SERTAD4: variants seen among roughly 807,000 people sequenced by gnomAD.
The protein encoded by SERTAD4 is SERTA domain-containing protein 4.
A neutral mutation model predicts 32.9 loss-of-function variants in SERTAD4; 18 were observed. The ratio of observed to expected loss-of-function variants is 0.55; its 90% CI spans 0.38 to 0.81. The LOEUF is 0.81. Ranked by LOEUF, SERTAD4 falls within the 30% of genes least tolerant of loss-of-function variation. The pLI is 0.00. For missense variants in SERTAD4, 383 were observed against 426.0 expected (o/e 0.90, Z 0.89); for synonymous variants, 150 against 156.4 (o/e 0.96, Z 0.30).
chr1:210,241,547 TTG>T lies in SERTAD4; in HGVS notation c.292-10_292-9del. On this transcript the variant is annotated splice_polypyrimidine_tract_variant and intron_variant, in intron 3 of 3. Coordinates refer to ENST00000367012, the MANE Select transcript of SERTAD4 (RefSeq NM_019605.5). ...GTTTGTTTTTTTCTTTTTTTTTTTT[TTG>T]GTTTGTAGACCATCTCAATTTTTGA... The T allele has an allele frequency of 2.1e-4, 308 of 1,484,528 alleles. No homozygotes were observed. Among genetic ancestry groups the T allele is most frequent in the South Asian group, 8.7e-4 (57 of 65,794 alleles). The allele number at this position is 1,484,528 out of a possible 1,614,324, so 92.0% of individuals were successfully genotyped here.
chr1:210,242,543 C>G lies in SERTAD4; in HGVS notation c.*206C>G. The stretch of plus-strand genomic sequence containing the variant: ...CTTCTTATAAATGTGGTGATTTTTA[C>G]CAAGGAAACGATTGACTTAATGCTT... On this transcript the variant is annotated 3_prime_UTR_variant, in exon 4 of 4. Transcript: ENST00000367012. This position sits in a 1 kb window ranked among gnomAD's most constrained non-coding sequence, Gnocchi z 4.0. The G allele has an allele frequency of 7.6e-7, 1 of 1,317,940 alleles. No homozygotes were observed. The highest frequency in any genetic ancestry group is 9.6e-7 in the Non-Finnish European group (1 of 1,040,842). The allele number at this position is 1,317,940 out of a possible 1,614,324, so 81.6% of individuals were successfully genotyped here. A position where few individuals can be genotyped will look rare whatever the true frequency, so the allele number is the denominator to read the frequency against.
In SERTAD4 at chr1:210,239,620, TA is replaced by T; in HGVS notation, c.291+14del. 2 of 1,408,268 alleles carry T rather than the reference TA, an allele frequency of 1.4e-6. No individual in the cohort carries two copies. The highest frequency in any genetic ancestry group is 2.0e-6 in the Non-Finnish European group (2 of 1,003,242). The allele number at this position is 1,408,268 out of a possible 1,614,324, so 87.2% of individuals were successfully genotyped here. On this transcript the variant is annotated intron_variant, in intron 3 of 3. Transcript: ENST00000367012. ...GCTGTAGCCATAAAGTATGTTTTTT[TA>T]ATAGTCATTATTTTTATTAAGAGTT... is the stretch of plus-strand genomic sequence containing the variant.
Position 210,239,507 on chromosome 1 carries a change from G to A in SERTAD4, c.190G>A (p.Gly64Arg), listed in dbSNP as rs2083974371. Residue 64 changes from glycine (G) to arginine (R), a missense_variant, in exon 3 of 4, where the codon GGA becomes AGA. Gly to Arg is a moderately radical substitution (Grantham distance 125). This residue lies in a region of SERTAD4 where 107 missense variants were observed against 158.8 expected (regional missense o/e 0.67). Coordinates refer to ENST00000367012, the MANE Select transcript of SERTAD4 (RefSeq NM_019605.5). Reference sequence around the variant, plus strand: ...TATTACCACAGGATCACATTACAGGGGAATTTCAAATCCTATAACAACATC... The same window carrying A: ...TATTACCACAGGATCACATTACAGGAGAATTTCAAATCCTATAACAACATC... ...GPPLAGSHYR[G>R]ISNPITTSKI... The A allele has an allele frequency of 1.3e-6, 2 of 1,596,016 alleles. No homozygotes were observed. Among genetic ancestry groups the A allele is most frequent in the African/African-American group, 2.7e-5 (2 of 74,374 alleles).
rs141839956 is a variant in SERTAD4 at position 210,242,498 on chromosome 1, G to C, written c.*161G>C. The stretch of plus-strand genomic sequence containing the variant: ...GGAGAGCAGATTGCGTAAAACATCT[G>C]TATAGCAGGCATCAGCGAGCTTCTT... On this transcript the variant is annotated 3_prime_UTR_variant, in exon 4 of 4. Transcript: ENST00000367012. This position sits in a 1 kb window ranked among gnomAD's most constrained non-coding sequence, Gnocchi z 4.0. The C allele has an allele frequency of 1.6e-3, 2,152 of 1,376,522 alleles. 8 individuals carry two copies. Among genetic ancestry groups the C allele is most frequent in the Non-Finnish European group, 1.0e-3 (1,111 of 1,072,576 alleles). The allele number at this position is 1,376,522 out of a possible 1,614,324, so 85.3% of individuals were successfully genotyped here. A position where few individuals can be genotyped will look rare whatever the true frequency, so the allele number is the denominator to read the frequency against.
In SERTAD4 at chr1:210,243,229, C is replaced by T. The variant is rs573314216; in HGVS notation, c.*892C>T. ...GATGCCCAATTGCTTTTGGATTCGCCGTTTTTTCAATAGGGATGGAGGAAA... is the reference window on the plus strand; with the variant it reads ...GATGCCCAATTGCTTTTGGATTCGCTGTTTTTTCAATAGGGATGGAGGAAA... On this transcript the variant is annotated 3_prime_UTR_variant, in exon 4 of 4. Coordinates refer to ENST00000367012, the MANE Select transcript of SERTAD4 (RefSeq NM_019605.5). The T allele has an allele frequency of 3.0e-3, 2,267 of 746,656 alleles. 7 individuals carry two copies. The highest frequency in any genetic ancestry group is 9.8e-3 in the Middle Eastern group (14 of 1,426). The allele number at this position is 746,656 out of a possible 1,614,324, so 46.3% of individuals were successfully genotyped here. A position where few individuals can be genotyped will look rare whatever the true frequency, so the allele number is the denominator to read the frequency against.
chr1:210,235,614 C>T (rs569441226), intron 1 of SERTAD4, among the ~76,000 whole-genome samples: 11 of 110,660 alleles, frequency 9.9e-5, no homozygotes, highest in South Asian at 2.7e-4. Flanking sequence ...TTCAAGTTCA[C>T]GTGCATAATA....
rs906480598 is a variant in SERTAD4, at chr1:210,242,907, C to T, written c.*570C>T. 1.8e-5 allele frequency: 18 copies of T among 985,610 alleles called. No homozygotes were observed. In the Admixed American group the frequency reaches 1.8e-4, roughly 10 times the overall value. The allele number at this position is 985,610 out of a possible 1,614,324, so 61.1% of individuals were successfully genotyped here. ...ATAATGAAACACACCTGTCTAGGGG[C>T]GGCAATCAACAGTCTTACACAGAGA... On this transcript the variant is annotated 3_prime_UTR_variant, in exon 4 of 4. Transcript: ENST00000367012. The surrounding 1 kb of genome is among the most constrained non-coding windows in gnomAD (Gnocchi z 4.0).
chr1:210,239,911 C>A (rs916347840), intron 3 of SERTAD4, among the ~76,000 whole-genome samples: 1 of 152,130 alleles, frequency 6.6e-6, no homozygotes, highest in Non-Finnish European at 1.5e-5. Flanking sequence ...TTCTTCCACA[C>A]TTTTGTGTGT....
Position 210,242,100 on chromosome 1 carries a change from G to A in SERTAD4, c.834G>A (p.Lys278=). The change falls in exon 4 of 4, where the codon AAG becomes AAA. Residue 278 remains lysine, a synonymous_variant. Coordinates refer to ENST00000367012, the MANE Select transcript of SERTAD4 (RefSeq NM_019605.5). The surrounding 1 kb of genome is among the most constrained non-coding windows in gnomAD (Gnocchi z 4.0). ...TCAGATCACTTGGTGTTCAGGAAAA[G>A]GCCAAATTAAATGATGAGAAAGCAA... is the stretch of plus-strand genomic sequence containing the variant. ...TNVRSLGVQE[K]AKLNDEKAND... The A allele has an allele frequency of 6.2e-7, 1 of 1,614,180 alleles. No individual in the cohort carries two copies. Among genetic ancestry groups the A allele is most frequent in the Non-Finnish European group, 8.5e-7 (1 of 1,180,044 alleles).
chr1:210,239,199 C>T (rs1349204518), intron 2 of SERTAD4, among the ~76,000 whole-genome samples: 1 of 152,096 alleles, frequency 6.6e-6, no homozygotes, highest in East Asian at 1.9e-4. Context: ...AATTACACTC[C>T]TCCCCTTTAT....
At position 210,245,905 on chromosome 1, in the gene SERTAD4, T is replaced by C. The variant is rs2084044822; in HGVS notation, c.*3568T>C. 1 of 985,200 alleles carries C rather than the reference T, an allele frequency of 1.0e-6. No individual in the cohort carries two copies. The highest frequency in any genetic ancestry group is 4.7e-5 in the South Asian group (1 of 21,280). 61.0% of individuals were successfully genotyped at this position (985,200 alleles called of 1,614,324 possible). ...AGGATTCCTATGTGATGCAGCTAGG[T>C]TTTTATATCCTTCTAACAAATGGTG... On this transcript the variant is annotated 3_prime_UTR_variant, in exon 4 of 4. Transcript: ENST00000367012.
At chr1:210,235,253 T>C (rs1238156126) in intron 1 of SERTAD4, among the ~76,000 whole-genome samples, 1 of 152,254 alleles carries the variant, frequency 6.6e-6, no homozygotes, top group Non-Finnish European at 1.5e-5. Flanking sequence ...CAGAGAATTA[T>C]GACAGTTTAG....
rs2084041563 is a variant in SERTAD4, at chr1:210,245,647, T to TA, written c.*3310_*3311insA. 2 of 238,764 alleles carry TA rather than the reference T, an allele frequency of 8.4e-6. No individual in the cohort carries two copies. The highest frequency in any genetic ancestry group is 1.4e-5 in the Non-Finnish European group (2 of 147,244). The allele number at this position is 238,764 out of a possible 1,614,324, so 14.8% of individuals were successfully genotyped here. Reference sequence around the variant, plus strand: ...ATTAAGACAACAGAAATTTAGAACATTTTACATGCTTCTTTGTTAAATGGT... The same window carrying TA: ...ATTAAGACAACAGAAATTTAGAACATATTTACATGCTTCTTTGTTAAATGGT... On this transcript the variant is annotated 3_prime_UTR_variant, in exon 4 of 4. Transcript: ENST00000367012.
rs918482135 is a variant in SERTAD4, at chr1:210,236,249, C to T, written c.-17-1695C>T. 2.6e-5 allele frequency among the ~76,000 whole-genome samples: 4 copies of T among 152,186 alleles called. No homozygotes were observed. The South Asian group carries it at 6.2e-4, about 24-fold the overall frequency. On this transcript the variant is annotated intron_variant, in intron 1 of 3. Coordinates refer to ENST00000367012, the MANE Select transcript of SERTAD4 (RefSeq NM_019605.5). ...AAGATTTAATCGAACCTTTCTTTTG[C>T]CCACTTGTTTTAAGGTTTACTAATA...
chr1:210,235,809 T>C (rs1264953790), intron 1 of SERTAD4, among the ~76,000 whole-genome samples: 2 of 152,250 alleles, frequency 1.3e-5, no homozygotes, highest in Non-Finnish European at 2.9e-5. Flanking sequence ...TTTTCTTTCT[T>C]AAGGGGCATG....
intron 1 of SERTAD4, among the ~76,000 whole-genome samples, chr1:210,235,568 A>C (rs2083932695): frequency 6.6e-6 from 1 of 152,236 alleles, no homozygotes; most frequent in African/African-American, 2.4e-5. Flanking sequence ...TATTGTGAAC[A>C]AAATAATAGC....
At chr1:210,246,605 G>A (rs1460232083), downstream of SERTAD4, 2 of 985,280 alleles carry the variant, frequency 2.0e-6, no homozygotes, top group East Asian at 1.1e-4. Flanking sequence ...ATGACTAAAC[G>A]AAGGGAATTT....
At position 210,232,826 on chromosome 1, in the gene SERTAD4, G is replaced by T. The variant is rs2083889149; in HGVS notation, c.-203G>T. The T allele has an allele frequency of 6.6e-6, 1 of 151,040 alleles. No homozygotes were observed. Among genetic ancestry groups the T allele is most frequent in the Non-Finnish European group, 1.5e-5 (1 of 67,532 alleles). 9.4% of individuals were successfully genotyped at this position (151,040 alleles called of 1,614,324 possible). On this transcript the variant is annotated 5_prime_UTR_variant, in exon 1 of 4. Transcript: ENST00000367012. ...CATAACCGTCTGCAGCGACGGCGGC[G>T]CAGCGCCCCAGTCGCGGCGGCGGGA...
rs750336318 is a variant in SERTAD4 at position 210,239,542 on chromosome 1, A to T, written c.225A>T (p.Thr75=). 6.2e-7 allele frequency: 1 copy of T among 1,609,568 alleles called. No homozygotes were observed. Among genetic ancestry groups the T allele is most frequent in the Admixed American group, 1.7e-5 (1 of 59,128 alleles). ...ATCCTATAACAACATCCAAGATCAC[A>T]TACTTTAAGAGGAAGTATGTGGAAG... ...ISNPITTSKI[T]YFKRKYVEEE... Residue 75 remains threonine, a synonymous_variant, in exon 3 of 4, where the codon ACA becomes ACT. Coordinates refer to ENST00000367012, the MANE Select transcript of SERTAD4 (RefSeq NM_019605.5).
Sources: gnomAD v4.1 joint callset for allele counts (sites outside exome capture counted in the v4.1 genomes callset) on GRCh38, gnomAD v4.1.1 for gene constraint, gnomAD v4.1.1 regional missense constraint, Gnocchi (gnomAD v3.1) non-coding constraint, MANE v1.5 for transcripts, NCBI Gene and HGNC (gene_info 2026-07-23, HGNC 2026-07-21) for gene names.